Variants in DNAJC19 observed in about 807,000 individuals in gnomAD.
DNAJC19 encodes mitochondrial import inner membrane translocase subunit TIM14.
A neutral mutation model predicts 19.8 loss-of-function variants in DNAJC19; 15 were observed. The observed-to-expected ratio is 0.76, with a 90% CI of 0.51 to 1.17. The LOEUF (loss-of-function observed/expected upper bound fraction) is 1.17. DNAJC19 is among the 50% of genes most tolerant of loss of function. The pLI, the probability that DNAJC19 is intolerant of heterozygous loss-of-function variation, is 0.00. For synonymous variants in DNAJC19, 38 were observed against 42.1 expected (o/e 0.90, Z 0.38); for missense variants, 105 against 140.9 (o/e 0.75, Z 1.29).
intron 5 of DNAJC19, 44 bp downstream of exon 5, chr3:180,985,882 T>C (rs980622147): frequency 4.6e-6 from 7 of 1,505,504 alleles, no homozygotes; most frequent in Non-Finnish European, 2.8e-6. Flanking sequence ...TTAATAACTA[T>C]TGGTCACACC....
rs547214413 is a variant in DNAJC19 at position 180,988,866 on chromosome 3, T to C, written c.4-637A>G. Among the ~76,000 whole-genome samples, 670 of 150,334 alleles carry C rather than the reference T, an allele frequency of 4.5e-3. 5 individuals are homozygous for C. The highest frequency in any genetic ancestry group is 8.3e-3 in the Non-Finnish European group (559 of 67,582). Reference sequence around the variant, plus strand: ...AAATACAAAAAAAAAAAAAATTAGCTGGGCGTGGTGGTGGGCGCCTGTAAT... The same window carrying C: ...AAATACAAAAAAAAAAAAAATTAGCCGGGCGTGGTGGTGGGCGCCTGTAAT... On this transcript the variant is annotated intron_variant, in intron 1 of 5. Transcript: ENST00000382564.
In DNAJC19 at chr3:180,986,993, C is replaced by G. The variant is rs751736236; in HGVS notation, c.159G>C (p.Gly53=). 6.2e-7 allele frequency: 1 copy of G among 1,613,740 alleles called. No individual in the cohort carries two copies. The highest frequency in any genetic ancestry group is 1.3e-5 in the African/African-American group (1 of 74,878). Residue 53 remains glycine (G), a synonymous_variant, in exon 4 of 6, where the codon GGG becomes GGC. Coordinates refer to ENST00000382564, the MANE Select transcript of DNAJC19 (RefSeq NM_145261.4). ...SAFSGGYYRG[G]FEPKMTKREA... is the part of the protein sequence containing the mutation. ...CCCGTTTTGTCATTTTGGGTTCAAA[C>G]CCACCTCTATAATAGCCACCACTGA...
At chr3:180,987,425 A>G (rs1714968456) in intron 3 of DNAJC19, 2 of 267,112 alleles carry the variant, frequency 7.5e-6, no homozygotes, top group East Asian at 9.8e-5. Flanking sequence ...ACTTTAAGAT[A>G]TATATACAGA....
intron 4 of DNAJC19, 94 bp from the exon 5 acceptor site, chr3:180,986,090 G>A: frequency 1.0e-6 from 1 of 995,526 alleles, no homozygotes; most frequent in South Asian, 1.3e-5. Context: ...CTGTGAAACT[G>A]TAGTAAATTA....
At chr3:180,989,059 CTG>C (rs1715080193) in intron 1 of DNAJC19, among the ~76,000 whole-genome samples, 1 of 151,298 alleles carries the variant, frequency 6.6e-6, no homozygotes, top group South Asian at 2.1e-4. Context: ...GAAGGAAAAA[CTG>C]TTTACAGACG....
In DNAJC19 at chr3:180,988,158, TC is replaced by T; in HGVS notation, c.55+19del. On this transcript the variant is annotated intron_variant, in intron 2 of 5. Coordinates refer to ENST00000382564, the MANE Select transcript of DNAJC19 (RefSeq NM_145261.4). ...TCCAATCTCCCCGACTTCACTTCCA[TC>T]CCCAAACCATAAACAAACCTGCAAA... is the stretch of plus-strand genomic sequence containing the variant. 6.2e-7 allele frequency: 1 copy of T among 1,614,094 alleles called. No individual in the cohort carries two copies. Among genetic ancestry groups the T allele is most frequent in the Non-Finnish European group, 8.5e-7 (1 of 1,180,016 alleles).
upstream of DNAJC19, chr3:180,989,796 G>A (rs1715137443): frequency 7.6e-6 from 7 of 921,794 alleles, no homozygotes; most frequent in East Asian, 1.8e-4. Context: ...CGGAGGAGAA[G>A]GAAAGTCGCT....
chr3:180,983,787 ATTTCAGT>A lies in DNAJC19; in HGVS notation c.*846_*852del. The A allele has an allele frequency of 1.5e-5, 7 of 453,810 alleles. 1 individual carries two copies. The highest frequency in any genetic ancestry group is 1.1e-4 in the South Asian group (7 of 64,424). The allele number at this position is 453,810 out of a possible 1,614,324, so 28.1% of individuals were successfully genotyped here. A position where few individuals can be genotyped will look rare whatever the true frequency, so the allele number is the denominator to read the frequency against. Reference sequence around the variant, plus strand: ...AATTAAATATGTTGATATTGAGAACATTTCAGTTTTCAGTTTTGCTAACAGGGTTTAA... The same window carrying A: ...AATTAAATATGTTGATATTGAGAACATTTCAGTTTTGCTAACAGGGTTTAA... On this transcript the variant is annotated 3_prime_UTR_variant, in exon 6 of 6. Coordinates refer to ENST00000382564, the MANE Select transcript of DNAJC19 (RefSeq NM_145261.4).
At chr3:180,987,915 G>T in intron 3 of DNAJC19, 108 bp downstream of exon 3, 1 of 1,322,352 alleles carries the variant, frequency 7.6e-7, no homozygotes, top group African/African-American at 1.5e-5. Context: ...GCAGGAGAAT[G>T]GGTCCAAAGC....
intron 4 of DNAJC19, 104 bp from the exon 5 acceptor site, chr3:180,986,100 AAC>A: frequency 1.1e-6 from 1 of 902,944 alleles, no homozygotes; most frequent in Non-Finnish European, 1.8e-6. Flanking sequence ...GTAGTAAATT[AAC>A]ACAACAGTAT....
At chr3:180,985,722 T>C (rs1180765441) in intron 5 of DNAJC19, 1 of 559,966 alleles carries the variant, frequency 1.8e-6, no homozygotes, top group Admixed American at 3.0e-5. Context: ...ATAGTAATAG[T>C]AGCACTTACA....
chr3:180,987,766 G>A (rs1577025499), intron 3 of DNAJC19: 2 of 515,746 alleles, frequency 3.9e-6, no homozygotes, highest in Non-Finnish European at 7.0e-6. Flanking sequence ...GAAGGTGATG[G>A]TATGTGAAAA....
chr3:180,986,561 C>T (rs1024024171), intron 4 of DNAJC19: 3 of 211,080 alleles, frequency 1.4e-5, no homozygotes, highest in East Asian at 1.2e-4. Flanking sequence ...GGATTACAGA[C>T]GTGAGTCACC....
intron 4 of DNAJC19, 186 bp downstream of exon 4, chr3:180,986,757 T>C (rs770000024): frequency 1.4e-4 from 85 of 601,898 alleles, no homozygotes; most frequent in Middle Eastern, 4.4e-4. Flanking sequence ...ATTTGAAGGA[T>C]TGTTTACATC....
chr3:180,984,400 A>G lies in DNAJC19; in HGVS notation c.*240T>C, dbSNP rs757933163. On this transcript the variant is annotated 3_prime_UTR_variant, in exon 6 of 6. Transcript: ENST00000382564. ...TAGGTCCCAAATTATCTGCTAAATG[A>G]GTAATGAACAATATTTCTATTCAGA... 1 of 533,402 alleles carries G rather than the reference A, an allele frequency of 1.9e-6. No homozygotes were observed. Among genetic ancestry groups the G allele is most frequent in the South Asian group, 1.5e-5 (1 of 65,122 alleles). 33.0% of individuals were successfully genotyped at this position (533,402 alleles called of 1,614,324 possible). A position where few individuals can be genotyped will look rare whatever the true frequency, so the allele number is the denominator to read the frequency against.
At chr3:180,986,679 A>T (rs1280813705) in intron 4 of DNAJC19, 1 of 443,676 alleles carries the variant, frequency 2.3e-6, no homozygotes, top group African/African-American at 2.0e-5. Context: ...ATAAATGAAA[A>T]AGTGCCTGTG....
chr3:180,988,277 T>G lies in DNAJC19; in HGVS notation c.4-48A>C, dbSNP rs754813226. Reference sequence around the variant, plus strand: ...ATATTTACTTCTCTAATTCCCACCCTTTCTCATTTTGCCCATTCTTCCATC... The same window carrying G: ...ATATTTACTTCTCTAATTCCCACCCGTTCTCATTTTGCCCATTCTTCCATC... On this transcript the variant is annotated intron_variant, in intron 1 of 5. Transcript: ENST00000382564. 3.1e-6 allele frequency: 5 copies of G among 1,609,352 alleles called. No individual in the cohort carries two copies. In the South Asian group the frequency reaches 4.4e-5, roughly 14 times the overall value.
intron 5 of DNAJC19, among the ~76,000 whole-genome samples, chr3:180,984,997 T>G (rs1418853826): frequency 6.6e-6 from 1 of 152,058 alleles, no homozygotes; most frequent in Non-Finnish European, 1.5e-5. Flanking sequence ...ATCATATATA[T>G]TAGATATATA....
intron 1 of DNAJC19, among the ~76,000 whole-genome samples, chr3:180,988,686 AGTC>A (rs1224794869): frequency 6.6e-6 from 1 of 152,026 alleles, no homozygotes; most frequent in Non-Finnish European, 1.5e-5. Flanking sequence ...AGACAAATTA[AGTC>A]ACATTAAAGT....
Sources: gnomAD v4.1 joint callset for allele counts (sites outside exome capture counted in the v4.1 genomes callset) on GRCh38, gnomAD v4.1.1 for gene constraint, MANE v1.5 for transcripts, NCBI Gene and HGNC (gene_info 2026-07-23, HGNC 2026-07-21) for gene names.